DMD: variants seen among roughly 807,000 people sequenced by gnomAD.
DMD encodes mutant dystrophin.
DMD carries 63 observed loss-of-function variants against 330.1 expected under a neutral mutation model. The observed-to-expected ratio is 0.19, with a 90% CI of 0.16 to 0.24. The LOEUF (loss-of-function observed/expected upper bound fraction) is 0.24, where lower values mean the gene tolerates loss of function less well. DMD is among the 10% of genes least tolerant of loss of function. The probability of loss-of-function intolerance (pLI) is 1.00; values close to 1 mark genes in which losing one functional copy is unlikely to be tolerated. For synonymous variants in DMD, 1,223 were observed against 959.8 expected, an observed-to-expected ratio of 1.27 and a Z score of -5.07; for missense variants, 3,344 against 2,684.1, an observed-to-expected ratio of 1.25 and a Z score of -5.43.
intron 16 of DMD, among the ~76,000 whole-genome samples, chrX:32,547,375 A>G (rs768327185): frequency 7.2e-5 from 8 of 111,353 alleles, no homozygotes; most frequent in African/African-American, 2.3e-4. Context: ...CGGCATTTAA[A>G]AATATACTCA....
Position 31,836,451 on chromosome X carries a change from G to A in DMD, c.7200+267C>T, listed in dbSNP as rs1282073904. On this transcript the variant is annotated intron_variant, in intron 49 of 78. Coordinates refer to ENST00000357033, the MANE Select transcript of DMD (RefSeq NM_004006.3). The stretch of plus-strand genomic sequence containing the variant: ...CCAAAGAATTTAATCTACCTTGAAG[G>A]TGGGACTACTTTTGTATTGATGGCA... 2.7e-5 allele frequency among the ~76,000 whole-genome samples: 3 copies of A among 112,112 alleles called. No individual in the cohort carries two copies. The East Asian group carries it at 8.4e-4, about 31-fold the overall frequency.
chrX:32,889,130 C>G (rs1459422163), intron 2 of DMD, among the ~76,000 whole-genome samples: 1 of 110,037 alleles, frequency 9.1e-6, no homozygotes, highest in Non-Finnish European at 1.9e-5. Context: ...CAGAGTCCAG[C>G]CCAGGAATGC....
chrX:32,639,855 GA>G (rs1000415718), intron 11 of DMD, among the ~76,000 whole-genome samples: 14 of 107,677 alleles, frequency 1.3e-4, no homozygotes, highest in Middle Eastern at 4.8e-3. Flanking sequence ...TACTCTTTGG[GA>G]AAAAAAAATG....
intron 54 of DMD, among the ~76,000 whole-genome samples, chrX:31,629,506 C>T (rs2079028574): frequency 9.0e-6 from 1 of 111,579 alleles, no homozygotes. Flanking sequence ...TTTATCAACT[C>T]CTAAATAAAC....
At chrX:32,920,108 G>A (rs911907588) in intron 2 of DMD, among the ~76,000 whole-genome samples, 1 of 111,464 alleles carries the variant, frequency 9.0e-6, no homozygotes, top group African/African-American at 3.3e-5. Flanking sequence ...GATGGATAAA[G>A]ATAATCACTA....
At chrX:32,277,940 G>A (rs1437908896) in intron 43 of DMD, among the ~76,000 whole-genome samples, 1 of 109,993 alleles carries the variant, frequency 9.1e-6, no homozygotes, top group Non-Finnish European at 1.9e-5. Flanking sequence ...CAAAATTAGT[G>A]GAAGAAAGAA....
chrX:31,925,008 T>A (rs1263809007), intron 47 of DMD, among the ~76,000 whole-genome samples: 1 of 111,572 alleles, frequency 9.0e-6, no homozygotes, highest in Non-Finnish European at 1.9e-5. Context: ...TTACTTGACA[T>A]TAAAAATAGT....
chrX:31,882,366 C>G (rs1223520302), intron 47 of DMD, among the ~76,000 whole-genome samples: 1 of 111,642 alleles, frequency 9.0e-6, no homozygotes, highest in Non-Finnish European at 1.9e-5. Context: ...AACCTTGACT[C>G]TCCACATCAT....
rs908781332 is a variant in DMD at position 31,640,156 on chromosome X, G to A, written c.8028-12294C>T. Reference sequence around the variant, plus strand: ...GCCCTTGAGTCAGTTCAGAGCCCACGTTCTTGATTACATTTGACACAATAA... The same window carrying A: ...GCCCTTGAGTCAGTTCAGAGCCCACATTCTTGATTACATTTGACACAATAA... On this transcript the variant is annotated intron_variant, in intron 54 of 78. Coordinates refer to ENST00000357033, the MANE Select transcript of DMD (RefSeq NM_004006.3). 3.6e-5 allele frequency among the ~76,000 whole-genome samples: 4 copies of A among 111,792 alleles called. No homozygotes were observed. The Admixed American group carries it at 3.8e-4, about 11-fold the overall frequency.
chrX:32,111,154 G>A (rs1370714503), intron 44 of DMD, among the ~76,000 whole-genome samples: 1 of 111,657 alleles, frequency 9.0e-6, no homozygotes, highest in Non-Finnish European at 1.9e-5. Flanking sequence ...TTTCACATAC[G>A]CATGCAGCAT....
intron 7 of DMD, among the ~76,000 whole-genome samples, chrX:32,726,232 A>C (rs901415505): frequency 1.8e-5 from 2 of 111,412 alleles, no homozygotes; most frequent in Non-Finnish European, 3.8e-5. Flanking sequence ...TGATCATATT[A>C]TTAGTTCGAT....
chrX:32,207,292 A>C (rs983931524), intron 44 of DMD, among the ~76,000 whole-genome samples: 2 of 111,156 alleles, frequency 1.8e-5, no homozygotes, highest in Admixed American at 1.9e-4. Context: ...CCCTTATAAA[A>C]GTGGGAGTTC....
chrX:32,973,678 A>C lies in DMD; in HGVS notation c.93+46461T>G, dbSNP rs145415843. Among the ~76,000 whole-genome samples the C allele has an allele frequency of 2.7e-5, 3 of 112,154 alleles. No individual in the cohort carries two copies. In the East Asian group the frequency reaches 8.4e-4, roughly 32 times the overall value. On this transcript the variant is annotated intron_variant, in intron 2 of 78. Transcript: ENST00000357033. ...TGAGGCTATAGATATTGCAGAGCAT[A>C]AACAGAACATCCCTGCTGTGTCCTA... is the stretch of plus-strand genomic sequence containing the variant.
chrX:32,881,595 G>A (rs1212076573), intron 2 of DMD, among the ~76,000 whole-genome samples: 1 of 112,205 alleles, frequency 8.9e-6, no homozygotes, highest in Non-Finnish European at 1.9e-5. Flanking sequence ...AAAAATTCAA[G>A]AGGGCAAACT....
At chrX:31,932,010 G>T in intron 46 of DMD, 70 bp downstream of exon 46, 1 of 1,126,021 alleles carries the variant, frequency 8.9e-7, no homozygotes, top group South Asian at 1.9e-5. Context: ...ACCAATGATT[G>T]AATTAAAAAA....
In DMD at chrX:31,766,415, C is replaced by T. The variant is rs774994038; in HGVS notation, c.7542+7545G>A. Among the ~76,000 whole-genome samples, 19 of 111,434 alleles carry T rather than the reference C, an allele frequency of 1.7e-4. No homozygotes were observed. The East Asian group carries it at 2.3e-3, about 13-fold the overall frequency. ...CTGGGGCTACAGGCATGCGCCACCA[C>T]GCCCGGCTAATTTTGTATTTTTAGT... On this transcript the variant is annotated intron_variant, in intron 51 of 78. Transcript: ENST00000357033.
intron 55 of DMD, among the ~76,000 whole-genome samples, chrX:31,554,794 G>A (rs766241389): frequency 2.2e-4 from 25 of 111,610 alleles, no homozygotes; most frequent in Non-Finnish European, 4.5e-4. Context: ...ACCTCACAAA[G>A]CTTAAGATCT....
Position 33,210,035 on chromosome X carries a change from T to C in DMD, c.31+1247A>G, listed in dbSNP as rs1055402066. Among the ~76,000 whole-genome samples, 21 of 110,671 alleles carry C rather than the reference T, an allele frequency of 1.9e-4. 1 individual carries two copies. In the East Asian group the frequency reaches 5.9e-3, roughly 31 times the overall value. The stretch of plus-strand genomic sequence containing the variant: ...GCAAACAACAGATATATGCCATGCA[T>C]ATATTTGTAATGATAGTAAATATAA... On this transcript the variant is annotated intron_variant, in intron 1 of 78. Transcript: ENST00000357033.
chrX:31,694,251 C>T (rs762432279), intron 52 of DMD, among the ~76,000 whole-genome samples: 137 of 110,611 alleles, frequency 1.2e-3, no homozygotes, highest in Non-Finnish European at 2.0e-3. Flanking sequence ...CAAGAATCAA[C>T]TCAAAATGGA....
Sources: allele counts gnomAD v4.1 joint callset (sites outside exome capture counted in the v4.1 genomes callset), GRCh38; gene constraint gnomAD v4.1.1; transcripts MANE v1.5; gene names NCBI Gene and HGNC (gene_info 2026-07-23, HGNC 2026-07-21).